Variants in IL34 observed in about 807,000 individuals in gnomAD.
IL34 encodes the protein interleukin-34.
Under a neutral mutation model 25.3 loss-of-function variants are expected in IL34, and 17 were observed. The observed-to-expected ratio is 0.67, with a 90% CI of 0.46 to 1.01. The LOEUF (loss-of-function observed/expected upper bound fraction) is 1.01, where lower values mean the gene tolerates loss of function less well. Among genes scored for constraint, IL34 ranks in the 50% least tolerant of loss-of-function variants. The pLI is 0.00. For synonymous variants in IL34, 174 were observed against 140.9 expected (o/e 1.23, Z -1.66); for missense variants, 368 against 312.9 (o/e 1.18, Z -1.33).
At chr16:70,580,599 G>C (rs928947874) in intron 1 of IL34, among the ~76,000 whole-genome samples, 5 of 152,088 alleles carry the variant, frequency 3.3e-5, no homozygotes, top group African/African-American at 1.2e-4. Flanking sequence ...TGGCCAACAA[G>C]ATGAAACCCT....
In IL34 at chr16:70,616,885, G is replaced by A. The variant is rs563472568; in HGVS notation, c.-400-29663G>A. ...TATACGTGCAAGTCACAGGGGATGCGATGGCTTGGCTTGGGCTCAGAGGCC... is the reference window on the plus strand; with the variant it reads ...TATACGTGCAAGTCACAGGGGATGCAATGGCTTGGCTTGGGCTCAGAGGCC... On this transcript the variant is annotated intron_variant, in intron 1 of 6. Coordinates refer to the IL34 transcript ENST00000429149. Among the ~76,000 whole-genome samples, 7 of 152,282 alleles carry A rather than the reference G, an allele frequency of 4.6e-5. No homozygotes were observed. The South Asian group carries it at 8.3e-4, about 18-fold the overall frequency.
chr16:70,647,789 C>T (rs1157243999), intron 1 of IL34, among the ~76,000 whole-genome samples: 1 of 152,166 alleles, frequency 6.6e-6, no homozygotes, highest in East Asian at 1.9e-4. Context: ...TCCACCCTGG[C>T]CCTTGTGGAA....
intron 4 of IL34, chr16:70,657,331 T>A (rs1390844695): frequency 1.7e-6 from 1 of 575,612 alleles, no homozygotes; most frequent in Non-Finnish European, 3.1e-6. Context: ...AGAGCCGGGC[T>A]CGGGGTGCAG....
intron 1 of IL34, among the ~76,000 whole-genome samples, chr16:70,619,650 C>T (rs796396296): frequency 6.6e-5 from 10 of 152,324 alleles, no homozygotes; most frequent in African/African-American, 1.7e-4. Context: ...GGCTTACCTT[C>T]CACTGTGAGA....
At chr16:70,601,000 AGAGACGTGGGAGATGCTGG>A (rs979038132) in intron 1 of IL34, among the ~76,000 whole-genome samples, 4 of 138,122 alleles carry the variant, frequency 2.9e-5, no homozygotes, top group Admixed American at 7.0e-5. Flanking sequence ...GGGGATGCTA[AGAGACGTGGGAGATGCTGG>A]GAGAAGTAGG....
At chr16:70,650,649 C>A (rs2052055947) in intron 1 of IL34, among the ~76,000 whole-genome samples, 1 of 152,152 alleles carries the variant, frequency 6.6e-6, no homozygotes, top group South Asian at 2.1e-4. Flanking sequence ...TCCTTGTGGA[C>A]CAGAGGTGGC....
chr16:70,584,018 G>T (rs970122203), intron 1 of IL34, among the ~76,000 whole-genome samples: 94 of 152,248 alleles, frequency 6.2e-4, no homozygotes, highest in Non-Finnish European at 1.9e-4. Context: ...GGAAGCCACA[G>T]CTCCCCTTCC....
intron 1 of IL34, among the ~76,000 whole-genome samples, chr16:70,616,907 G>A (rs2051181122): frequency 6.6e-6 from 1 of 152,124 alleles, no homozygotes; most frequent in Non-Finnish European, 1.5e-5. Context: ...TGGGCTCAGA[G>A]GCCTGACATT....
intron 2 of IL34, among the ~76,000 whole-genome samples, chr16:70,654,955 T>G (rs2052177939): frequency 6.6e-6 from 1 of 152,188 alleles, no homozygotes; most frequent in Admixed American, 6.5e-5. Flanking sequence ...CCTGGAGCTC[T>G]TTGACAAACC....
upstream of IL34, among the ~76,000 whole-genome samples, chr16:70,643,319 C>T (rs558154038): frequency 1.3e-5 from 2 of 152,308 alleles, no homozygotes; most frequent in East Asian, 3.9e-4. Flanking sequence ...CTGCCTTGGC[C>T]TCCCAAACTG....
At chr16:70,625,049 T>A (rs55872380) in intron 1 of IL34, among the ~76,000 whole-genome samples, 44,500 of 151,912 alleles carry the variant, frequency 0.29, 6,959 homozygotes, top group South Asian at 0.44. Flanking sequence ...ATTATTTAGA[T>A]TTTGCAGGAT....
At chr16:70,642,917 G>T (rs143577995), upstream of IL34, among the ~76,000 whole-genome samples, 16 of 152,300 alleles carry the variant, frequency 1.1e-4, no homozygotes, top group East Asian at 3.1e-3. Context: ...GGGGCTGGGA[G>T]GAAGAGGGAA....
chr16:70,592,563 A>G (rs768690089), intron 1 of IL34, among the ~76,000 whole-genome samples: 15 of 152,200 alleles, frequency 9.9e-5, no homozygotes, highest in Non-Finnish European at 1.9e-4. Flanking sequence ...CCAGTTGCTG[A>G]ATAATTATTT....
intron 1 of IL34, among the ~76,000 whole-genome samples, chr16:70,585,160 A>G (rs948032765): frequency 6.6e-6 from 1 of 152,174 alleles, no homozygotes; most frequent in African/African-American, 2.4e-5. Flanking sequence ...GTCTGTCTCT[A>G]TGAGTTTCAC....
intron 1 of IL34, among the ~76,000 whole-genome samples, chr16:70,592,758 G>A (rs537858313): frequency 5.3e-5 from 8 of 152,136 alleles, no homozygotes; most frequent in African/African-American, 4.8e-5. Context: ...GGGTGCAAGC[G>A]ATTCTCCTGC....
At chr16:70,619,199 C>G (rs1030733567) in intron 1 of IL34, among the ~76,000 whole-genome samples, 1 of 152,056 alleles carries the variant, frequency 6.6e-6, no homozygotes, top group African/African-American at 2.4e-5. Context: ...TTAAAGCGTG[C>G]TGCGGGATGG....
chr16:70,631,377 A>C (rs1271858111), intron 1 of IL34, among the ~76,000 whole-genome samples: 2 of 150,936 alleles, frequency 1.3e-5, no homozygotes, highest in Non-Finnish European at 3.0e-5. Context: ...TGTCAGGGAG[A>C]ATAGAAATTG....
chr16:70,580,729 C>G (rs1417119746), intron 1 of IL34, among the ~76,000 whole-genome samples: 1 of 147,054 alleles, frequency 6.8e-6, no homozygotes, highest in Non-Finnish European at 1.5e-5. Context: ...TGCAGTGAGC[C>G]GAGATCACAC....
chr16:70,652,003 T>G (rs1450812976), intron 1 of IL34, among the ~76,000 whole-genome samples: 2 of 151,700 alleles, frequency 1.3e-5, no homozygotes, highest in Non-Finnish European at 2.9e-5. Context: ...GGCGCACACC[T>G]TGTAATCCCA....
Sources: allele counts gnomAD v4.1 joint callset (sites outside exome capture counted in the v4.1 genomes callset), GRCh38; gene constraint gnomAD v4.1.1; transcripts MANE v1.5; gene names NCBI Gene and HGNC (gene_info 2026-07-23, HGNC 2026-07-21).